The following FAM193A variants were observed in gnomAD, a reference collection of about 807,000 sequenced individuals.
The protein encoded by FAM193A is protein FAM193A.
A neutral mutation model predicts 126.5 loss-of-function variants in FAM193A; 22 were observed. The observed-to-expected ratio is 0.17, with a 90% CI of 0.12 to 0.25. The LOEUF is 0.25. Ranked by LOEUF, FAM193A falls within the 10% of genes least tolerant of loss-of-function variation. FAM193A has a pLI of 1.00. For missense variants in FAM193A, 1,675 were observed against 1,672.8 expected, an observed-to-expected ratio of 1.00 and a Z score of -0.02; for synonymous variants, 761 against 646.8, an observed-to-expected ratio of 1.18 and a Z score of -2.68.
chr4:2,583,032 G>T (rs1396044309), intron 1 of FAM193A, among the ~76,000 whole-genome samples: 1 of 152,112 alleles, frequency 6.6e-6, no homozygotes, highest in Admixed American at 6.6e-5. Flanking sequence ...GCAGTGGCAC[G>T]ATCTCAGCTC....
In FAM193A at chr4:2,690,957, ACCT is replaced by A. The variant is rs1271449461; in HGVS notation, c.2794_2796del (p.Pro932del). The A allele has an allele frequency of 1.9e-6, 3 of 1,611,850 alleles. No individual in the cohort carries two copies. The highest frequency in any genetic ancestry group is 1.7e-6 in the Non-Finnish European group (2 of 1,178,492). On this transcript the variant is annotated inframe_deletion, in exon 15 of 21. Transcript: ENST00000637812. The stretch of plus-strand genomic sequence containing the variant: ...GCCAGTTCAGAGTGTCATCCAAGAG[ACCT>A]CCTTCAGTAGGTAAGGCTTGAAGGC...
At chr4:2,698,396 C>G (rs1483526701) in intron 18 of FAM193A, among the ~76,000 whole-genome samples, 2 of 152,220 alleles carry the variant, frequency 1.3e-5, no homozygotes, top group East Asian at 1.9e-4. Context: ...ACAGCTCACT[C>G]TAGACACTGG....
At chr4:2,661,207 T>C (rs1712401938) in intron 10 of FAM193A, among the ~76,000 whole-genome samples, 1 of 152,220 alleles carries the variant, frequency 6.6e-6, no homozygotes, top group Non-Finnish European at 1.5e-5. Flanking sequence ...TCTCGGGACA[T>C]CTGGGCCTTC....
intron 12 of FAM193A, among the ~76,000 whole-genome samples, chr4:2,671,125 C>T (rs1713737031): frequency 6.6e-6 from 1 of 152,232 alleles, no homozygotes; most frequent in Non-Finnish European, 1.5e-5. Flanking sequence ...CAGCACTCAG[C>T]CAGTTCTCAA....
intron 4 of FAM193A, among the ~76,000 whole-genome samples, chr4:2,629,418 GTC>G (rs1245744762): frequency 3.3e-5 from 5 of 152,210 alleles, no homozygotes; most frequent in African/African-American, 1.2e-4. Flanking sequence ...AAAAATTAAT[GTC>G]TGTCTGAAAT....
In FAM193A at chr4:2,537,078, G is replaced by A. The variant is rs1373244161; in HGVS notation, c.163G>A (p.Ala55Thr). The A allele has an allele frequency of 1.4e-5, 2 of 147,084 alleles. No homozygotes were observed. The highest frequency in any genetic ancestry group is 3.0e-5 in the Non-Finnish European group (2 of 66,072). The allele number at this position is 147,084 out of a possible 1,614,324, so 9.1% of individuals were successfully genotyped here. The change falls in exon 1 of 21, where the codon GCG (alanine) becomes ACG (threonine). Residue 55 changes from alanine to threonine, a missense_variant. Around this residue, in one of 4 missense-constraint regions of FAM193A, gnomAD observed 1,186 missense variants for 1,109.2 expected, o/e 1.07. Coordinates refer to ENST00000637812, the MANE Select transcript of FAM193A (RefSeq NM_001366318.2). ...QAAGLAAPGS[A>T]AGLVGGAAAA... ...CGCGGGCCTGGCGGCCCCGGGCAGC[G>A]CGGCAGGCCTGGTGGGCGGCGCGGC... is the stretch of plus-strand genomic sequence containing the variant.
At chr4:2,570,827 C>T (rs1739248717) in intron 1 of FAM193A, among the ~76,000 whole-genome samples, 1 of 152,190 alleles carries the variant, frequency 6.6e-6, no homozygotes, top group Non-Finnish European at 1.5e-5. Context: ...TGCGTATTTA[C>T]TGCAAGTCTC....
intron 1 of FAM193A, among the ~76,000 whole-genome samples, chr4:2,569,646 C>T (rs372113680): frequency 6.6e-6 from 1 of 151,890 alleles, no homozygotes; most frequent in Non-Finnish European, 1.5e-5. Context: ...CACAGGCATG[C>T]ACCACCACAC....
At chr4:2,573,601 A>T (rs953632405) in intron 1 of FAM193A, among the ~76,000 whole-genome samples, 2 of 151,196 alleles carry the variant, frequency 1.3e-5, no homozygotes, top group African/African-American at 2.4e-5. Context: ...CACCACTTTG[A>T]CTGTCTGCTC....
At chr4:2,562,590 C>T (rs1738687716) in intron 1 of FAM193A, among the ~76,000 whole-genome samples, 1 of 151,670 alleles carries the variant, frequency 6.6e-6, no homozygotes, top group African/African-American at 2.4e-5. Flanking sequence ...TTGAACTTTA[C>T]AAAAGTGGCA....
intron 5 of FAM193A, among the ~76,000 whole-genome samples, chr4:2,631,567 C>G (rs974064965): frequency 2.0e-5 from 3 of 152,176 alleles, no homozygotes; most frequent in African/African-American, 7.2e-5. Context: ...GTGAAATGCC[C>G]ATGAAGAGCA....
intron 2 of FAM193A, among the ~76,000 whole-genome samples, chr4:2,597,407 A>C (rs1478045506): frequency 2.6e-5 from 4 of 151,762 alleles, no homozygotes; most frequent in Non-Finnish European, 5.9e-5. Context: ...TTGTTTTCTC[A>C]TTAAACTTTA....
At chr4:2,688,236 A>G (rs988460853) in intron 13 of FAM193A, among the ~76,000 whole-genome samples, 2 of 152,124 alleles carry the variant, frequency 1.3e-5, no homozygotes, top group Non-Finnish European at 2.9e-5. Flanking sequence ...CAGACATCAA[A>G]CCAACAGGCT....
intron 1 of FAM193A, among the ~76,000 whole-genome samples, chr4:2,557,678 C>G (rs1738340990): frequency 6.6e-6 from 1 of 152,124 alleles, no homozygotes; most frequent in African/African-American, 2.4e-5. Flanking sequence ...TTTGGCTGGG[C>G]ACGGTGGCTC....
intron 2 of FAM193A, among the ~76,000 whole-genome samples, chr4:2,623,090 A>C (rs1336499252): frequency 6.6e-6 from 1 of 151,556 alleles, no homozygotes; most frequent in East Asian, 1.9e-4. Context: ...CTTCCCCAGC[A>C]GGACCTATTT....
At chr4:2,730,708 T>G (rs143328867) in intron 20 of FAM193A, among the ~76,000 whole-genome samples, 9 of 145,256 alleles carry the variant, frequency 6.2e-5, no homozygotes, top group East Asian at 6.0e-4. Context: ...AAAAAAAGCT[T>G]CTTGGCCAGG....
chr4:2,680,097 G>GGC (rs1714931047), intron 13 of FAM193A, among the ~76,000 whole-genome samples: 1 of 152,098 alleles, frequency 6.6e-6, no homozygotes, highest in Non-Finnish European at 1.5e-5. Flanking sequence ...CTGACCTCAG[G>GGC]TTATCCACCC....
At chr4:2,554,189 G>A (rs6830084) in intron 1 of FAM193A, among the ~76,000 whole-genome samples, 14,787 of 151,960 alleles carry the variant, frequency 0.097, 1,480 homozygotes, top group African/African-American at 0.26. Context: ...GGTTCAAGTG[G>A]TTCTCCTGCC....
intron 7 of FAM193A, among the ~76,000 whole-genome samples, chr4:2,652,646 A>G (rs539283012): frequency 1.5e-4 from 23 of 152,238 alleles, no homozygotes; most frequent in Admixed American, 1.4e-3. Flanking sequence ...CCTTCGGGGA[A>G]ATCTGCCCCC....
Sources: allele counts gnomAD v4.1 joint callset (sites outside exome capture counted in the v4.1 genomes callset), GRCh38; gene constraint gnomAD v4.1.1; regional missense constraint gnomAD v4.1.1; transcripts MANE v1.5; gene names NCBI Gene and HGNC (gene_info 2026-07-23, HGNC 2026-07-21).